The following RHOBTB3 variants were observed in gnomAD, a reference collection of about 807,000 sequenced individuals.
The protein encoded by RHOBTB3 is Rho related BTB domain containing 3, also known as rho-related BTB domain-containing protein 3.
RHOBTB3 carries 47 observed loss-of-function variants against 67.2 expected under a neutral mutation model. That is an observed-to-expected ratio of 0.70 (90% confidence interval 0.55 to 0.89). The LOEUF (loss-of-function observed/expected upper bound fraction) is 0.89. Among genes scored for constraint, RHOBTB3 ranks in the 40% least tolerant of loss-of-function variants. The probability of loss-of-function intolerance (pLI) is 0.00; values close to 1 mark genes in which losing one functional copy is unlikely to be tolerated. For synonymous variants in RHOBTB3, 273 were observed against 274.2 expected (o/e 1.00, Z 0.04); for missense variants, 631 against 750.0 (o/e 0.84, Z 1.85).
intron 6 of RHOBTB3, among the ~76,000 whole-genome samples, chr5:95,757,193 C>G (rs1204836381): frequency 6.6e-6 from 1 of 151,924 alleles, no homozygotes; most frequent in Admixed American, 6.6e-5. Flanking sequence ...TCAGTAGCAA[C>G]TATATTTTAA....
At chr5:95,766,006 C>G (rs1561450077) in intron 7 of RHOBTB3, among the ~76,000 whole-genome samples, 1 of 152,086 alleles carries the variant, frequency 6.6e-6, no homozygotes, top group Admixed American at 6.5e-5. Context: ...GTGGCGGTCA[C>G]TTGACTCCCA....
At chr5:95,740,190 C>T (rs1408750079) in intron 3 of RHOBTB3, among the ~76,000 whole-genome samples, 1 of 152,194 alleles carries the variant, frequency 6.6e-6, no homozygotes, top group African/African-American at 2.4e-5. Flanking sequence ...ATCATGAGGC[C>T]TCCCCAGCCA....
At chr5:95,734,350 C>T (rs551206326) in intron 2 of RHOBTB3, among the ~76,000 whole-genome samples, 1 of 152,154 alleles carries the variant, frequency 6.6e-6, no homozygotes, top group African/African-American at 2.4e-5. Context: ...CCTTGTGTTG[C>T]ATAACCCCGA....
chr5:95,783,993 G>T, intron 10 of RHOBTB3, 30 bp downstream of exon 10: 1 of 1,499,824 alleles, frequency 6.7e-7, no homozygotes, highest in Non-Finnish European at 9.0e-7. Context: ...TGATAGCCTA[G>T]TTTTTTATAA....
In RHOBTB3 at chr5:95,731,687, A is replaced by G; in HGVS notation, c.2+3A>G. 2 of 1,613,356 alleles carry G rather than the reference A, an allele frequency of 1.2e-6. No individual in the cohort carries two copies. The highest frequency in any genetic ancestry group is 2.2e-5 in the South Asian group (2 of 91,008). On this transcript the variant is annotated splice_donor_region_variant and intron_variant, in intron 1 of 11. Transcript: ENST00000379982. Reference sequence around the variant, plus strand: ...CCTGCCCTTGGATTTGAGATCATGTACGTACGCGCCGCCGTCCTGCCATTG... The same window carrying G: ...CCTGCCCTTGGATTTGAGATCATGTGCGTACGCGCCGCCGTCCTGCCATTG...
chr5:95,731,373 G>A lies in RHOBTB3; in HGVS notation c.-310G>A, dbSNP rs2112765539. ...CAGCTGCCAGCCGAGGAGGCGCGGCGGAGAGGGGACTGCGGTCAGCTGCGT... is the reference window on the plus strand; with the variant it reads ...CAGCTGCCAGCCGAGGAGGCGCGGCAGAGAGGGGACTGCGGTCAGCTGCGT... On this transcript the variant is annotated 5_prime_UTR_variant, in exon 1 of 12. Transcript: ENST00000379982. The A allele has an allele frequency of 1.7e-6, 2 of 1,153,024 alleles. No homozygotes were observed. Among genetic ancestry groups the A allele is most frequent in the African/African-American group, 3.2e-5 (2 of 61,622 alleles). The allele number at this position is 1,153,024 out of a possible 1,614,324, so 71.4% of individuals were successfully genotyped here. A position where few individuals can be genotyped will look rare whatever the true frequency, so the allele number is the denominator to read the frequency against.
intron 1 of RHOBTB3, among the ~76,000 whole-genome samples, chr5:95,722,153 T>C (rs1342981274): frequency 6.6e-6 from 1 of 152,064 alleles, no homozygotes; most frequent in African/African-American, 2.4e-5. Flanking sequence ...CCAGCTGGGA[T>C]AGTACCCAAT....
At chr5:95,748,297 T>A (rs1422479805) in intron 3 of RHOBTB3, 36 bp from the exon 4 acceptor site, 2 of 1,540,216 alleles carry the variant, frequency 1.3e-6, no homozygotes, top group Non-Finnish European at 1.8e-6. Flanking sequence ...TCCTGTTTAA[T>A]TTCGAAACTC....
chr5:95,792,211 G>C (rs932504165), intron 11 of RHOBTB3, among the ~76,000 whole-genome samples: 1 of 152,040 alleles, frequency 6.6e-6, no homozygotes, highest in Non-Finnish European at 1.5e-5. Context: ...TAGCTACAAA[G>C]AAAACTAAGT....
intron 1 of RHOBTB3, among the ~76,000 whole-genome samples, chr5:95,718,578 C>G (rs926734145): frequency 2.6e-5 from 4 of 152,104 alleles, no homozygotes. Context: ...CTTTGGAGAG[C>G]CAGGCAATAC....
chr5:95,794,437 G>A lies in RHOBTB3; in HGVS notation c.*1263G>A, dbSNP rs563185733. ...GGACTGCAAGATTATTTGATAAAGA[G>A]TAGCATGAATCTTGTGCTCTAATAT... On this transcript the variant is annotated 3_prime_UTR_variant, in exon 12 of 12. Transcript: ENST00000379982. 109 of 169,512 alleles carry A rather than the reference G, an allele frequency of 6.4e-4. No individual in the cohort carries two copies. The highest frequency in any genetic ancestry group is 2.5e-3 in the African/African-American group (104 of 41,932). The allele number at this position is 169,512 out of a possible 1,614,324, so 10.5% of individuals were successfully genotyped here.
chr5:95,748,669 T>C (rs1406960841), intron 4 of RHOBTB3, among the ~76,000 whole-genome samples, 182 bp downstream of exon 4: 2 of 4,942 alleles, frequency 4.0e-4, no homozygotes, highest in African/African-American at 5.7e-3. Context: ...TATTTTTCTC[T>C]CCAAATGAAC....
upstream of RHOBTB3, among the ~76,000 whole-genome samples, chr5:95,729,843 G>C (rs942823734): frequency 6.6e-6 from 1 of 152,148 alleles, no homozygotes; most frequent in African/African-American, 2.4e-5. Flanking sequence ...GTTTATGAAG[G>C]AATTTTCTTC....
intron 3 of RHOBTB3, among the ~76,000 whole-genome samples, chr5:95,742,038 T>C (rs1755616331): frequency 6.6e-6 from 1 of 152,178 alleles, no homozygotes; most frequent in African/African-American, 2.4e-5. Flanking sequence ...GCCCCTTCCT[T>C]ATTTTCTGGC....
chr5:95,752,372 T>C (rs761316769), intron 5 of RHOBTB3, 22 bp downstream of exon 5: 1 of 1,404,494 alleles, frequency 7.1e-7, no homozygotes. Flanking sequence ...AGCCAATGTC[T>C]AGACATTCAT....
intron 3 of RHOBTB3, among the ~76,000 whole-genome samples, chr5:95,742,508 T>C (rs1297058707): frequency 6.6e-6 from 1 of 152,200 alleles, no homozygotes; most frequent in Non-Finnish European, 1.5e-5. Flanking sequence ...TTCTCTTCTT[T>C]TGGGACTTTT....
intron 10 of RHOBTB3, among the ~76,000 whole-genome samples, chr5:95,784,870 T>C (rs1197984153): frequency 6.6e-6 from 1 of 152,148 alleles, no homozygotes; most frequent in African/African-American, 2.4e-5. Flanking sequence ...GTTTCAGCAC[T>C]TGTGGTAGTT....
chr5:95,773,414 C>T (rs1745775829), intron 8 of RHOBTB3, among the ~76,000 whole-genome samples: 1 of 152,164 alleles, frequency 6.6e-6, no homozygotes, highest in African/African-American at 2.4e-5. Flanking sequence ...TTCTCTAAGG[C>T]CAGCTATAGG....
intron 7 of RHOBTB3, among the ~76,000 whole-genome samples, chr5:95,764,201 C>T (rs1745478203): frequency 6.6e-6 from 1 of 152,184 alleles, no homozygotes. Flanking sequence ...CTGAAACATT[C>T]CCCTGGAGCT....
Sources: gnomAD v4.1 joint callset for allele counts (sites outside exome capture counted in the v4.1 genomes callset) on GRCh38, gnomAD v4.1.1 for gene constraint, MANE v1.5 for transcripts, NCBI Gene and HGNC (gene_info 2026-07-23, HGNC 2026-07-21) for gene names.